Variants in NSMCE2 observed in about 807,000 individuals in gnomAD.
The protein encoded by NSMCE2 is NSE2 SUMO ligase component of SMC5/6 complex.
In NSMCE2, 24 loss-of-function variants were observed where a neutral mutation model predicts 23.8. The observed-to-expected ratio is 1.01, with a 90% CI of 0.73 to 1.42. NSMCE2 has a LOEUF of 1.42. Ranked by LOEUF, NSMCE2 falls within the 40% of genes most tolerant of loss-of-function variation. NSMCE2 has a pLI of 0.00. For missense variants in NSMCE2, 284 were observed against 296.5 expected (o/e 0.96, Z 0.31); for synonymous variants, 92 against 94.1 (o/e 0.98, Z 0.13).
chr8:125,110,115 T>A (rs560536536), intron 3 of NSMCE2, among the ~76,000 whole-genome samples: 1 of 151,240 alleles, frequency 6.6e-6, no homozygotes, highest in African/African-American at 2.4e-5. Flanking sequence ...TTAATGTACC[T>A]CAAAGATGTA....
At chr8:125,132,729 A>C (rs1819836973) in intron 3 of NSMCE2, among the ~76,000 whole-genome samples, 1 of 152,120 alleles carries the variant, frequency 6.6e-6, no homozygotes, top group Non-Finnish European at 1.5e-5. Context: ...TGCTGACCTC[A>C]AGTGATCCAC....
chr8:125,297,924 G>A (rs1420421479), intron 5 of NSMCE2, among the ~76,000 whole-genome samples: 1 of 152,118 alleles, frequency 6.6e-6, no homozygotes, highest in Non-Finnish European at 1.5e-5. Context: ...ATATTAATGT[G>A]GACAAATAAA....
chr8:125,287,225 G>A (rs1198904145), intron 5 of NSMCE2, among the ~76,000 whole-genome samples: 4 of 152,254 alleles, frequency 2.6e-5, no homozygotes, highest in Non-Finnish European at 5.9e-5. Context: ...CCAGCTACTC[G>A]GGAGGCTGAG....
At chr8:125,160,895 A>T (rs1007068246) in intron 4 of NSMCE2, among the ~76,000 whole-genome samples, 5 of 152,206 alleles carry the variant, frequency 3.3e-5, no homozygotes, top group Non-Finnish European at 7.3e-5. Flanking sequence ...TATTAGTAAC[A>T]CTTATTTGAA....
chr8:125,154,748 G>A (rs1437542512), intron 4 of NSMCE2, among the ~76,000 whole-genome samples: 1 of 152,042 alleles, frequency 6.6e-6, no homozygotes, highest in African/African-American at 2.4e-5. Flanking sequence ...TGTTTTTAGA[G>A]CTATAAGACA....
intron 3 of NSMCE2, among the ~76,000 whole-genome samples, chr8:125,122,987 T>C (rs958479169): frequency 1.3e-5 from 2 of 152,192 alleles, no homozygotes; most frequent in African/African-American, 4.8e-5. Flanking sequence ...TACTCATCCG[T>C]GGTCTAGAGA....
intron 1 of NSMCE2, among the ~76,000 whole-genome samples, chr8:125,098,327 G>C (rs72720531): frequency 0.069 from 10,463 of 152,220 alleles, 491 homozygotes; most frequent in Non-Finnish European, 0.096. Context: ...AAGTTCATAG[G>C]TGATGCTGGT....
In NSMCE2 at chr8:125,311,372, T is replaced by G. The variant is rs1828967269; in HGVS notation, c.419-45847T>G. Among the ~76,000 whole-genome samples the G allele has an allele frequency of 2.0e-5, 3 of 152,360 alleles. No individual in the cohort carries two copies. The South Asian group carries it at 6.2e-4, about 32-fold the overall frequency. On this transcript the variant is annotated intron_variant, in intron 5 of 7. Coordinates refer to ENST00000287437, the MANE Select transcript of NSMCE2 (RefSeq NM_173685.4). ...AAATGCGTAAATTGTATAGTTTCCT[T>G]TTCCCATAAAATCTCCAAAGAAGGA...
At chr8:125,166,942 T>G (rs1821914808) in intron 4 of NSMCE2, among the ~76,000 whole-genome samples, 3 of 152,156 alleles carry the variant, frequency 2.0e-5, no homozygotes, top group Non-Finnish European at 4.4e-5. Context: ...GGCAGGAGTA[T>G]AAGGATGCAG....
chr8:125,294,920 G>A (rs888261587), intron 5 of NSMCE2, among the ~76,000 whole-genome samples: 7 of 152,170 alleles, frequency 4.6e-5, no homozygotes, highest in African/African-American at 1.7e-4. Context: ...GGAGATGTGT[G>A]TCTCTTCTGG....
chr8:125,092,031 G>T (rs182011648), intron 1 of NSMCE2, 73 bp downstream of exon 1: 1 of 152,346 alleles, frequency 6.6e-6, no homozygotes, highest in East Asian at 1.9e-4. Flanking sequence ...ACTCCACGGG[G>T]ACTCCGAGCC....
chr8:125,349,639 G>A (rs79092686), intron 5 of NSMCE2, among the ~76,000 whole-genome samples: 3,066 of 151,418 alleles, frequency 0.02, 34 homozygotes, highest in Middle Eastern at 0.031. Flanking sequence ...AATTGAAAAA[G>A]TACATAGCAA....
chr8:125,290,949 C>T (rs1828083642), intron 5 of NSMCE2, among the ~76,000 whole-genome samples: 1 of 152,128 alleles, frequency 6.6e-6, no homozygotes, highest in African/African-American at 2.4e-5. Context: ...TTCTCTAGTA[C>T]CTAGCAGTGC....
rs575882477 is a variant in NSMCE2, at chr8:125,151,812, G to A, written c.264+535G>A. On this transcript the variant is annotated intron_variant, in intron 4 of 7. Transcript: ENST00000287437. ...AGGAACAACACATAAGGCAGTTAAG[G>A]TGGGAACATAGCAACATCCTTTTCA... Among the ~76,000 whole-genome samples, 8 of 152,302 alleles carry A rather than the reference G, an allele frequency of 5.3e-5. No individual in the cohort carries two copies. In the South Asian group the frequency reaches 1.2e-3, roughly 24 times the overall value.
intron 4 of NSMCE2, among the ~76,000 whole-genome samples, chr8:125,173,465 T>C (rs185740876): frequency 1.8e-4 from 28 of 152,304 alleles, no homozygotes; most frequent in African/African-American, 6.3e-4. Flanking sequence ...CTAATTTTAT[T>C]TGGAACTGAA....
intron 5 of NSMCE2, among the ~76,000 whole-genome samples, chr8:125,299,714 T>C (rs1235378879): frequency 6.6e-6 from 1 of 151,662 alleles, no homozygotes; most frequent in Non-Finnish European, 1.5e-5. Flanking sequence ...TTCATTTCAC[T>C]GAGAATAACC....
chr8:125,115,730 A>G (rs1586452514), intron 3 of NSMCE2, among the ~76,000 whole-genome samples: 1 of 151,160 alleles, frequency 6.6e-6, no homozygotes, highest in Non-Finnish European at 1.5e-5. Flanking sequence ...CCGTCTCAAT[A>G]AAAAAAAATA....
rs1487546244 is a variant in NSMCE2, at chr8:125,366,907, G to T, written c.*22G>T. On this transcript the variant is annotated 3_prime_UTR_variant, in exon 8 of 8. Coordinates refer to ENST00000287437, the MANE Select transcript of NSMCE2 (RefSeq NM_173685.4). Reference sequence around the variant, plus strand: ...GTAGGAAAAGCCACCTGCCTGCAGGGACACCAGCAGCCTACCTCCTACCCC... The same window carrying T: ...GTAGGAAAAGCCACCTGCCTGCAGGTACACCAGCAGCCTACCTCCTACCCC... 2.2e-6 allele frequency: 3 copies of T among 1,351,510 alleles called. No homozygotes were observed. The highest frequency in any genetic ancestry group is 3.4e-5 in the Admixed American group (2 of 59,590). 83.7% of individuals were successfully genotyped at this position (1,351,510 alleles called of 1,614,324 possible). A position where few individuals can be genotyped will look rare whatever the true frequency, so the allele number is the denominator to read the frequency against.
In NSMCE2 at chr8:125,174,409, G is replaced by C. The variant is rs544626073; in HGVS notation, c.265-7694G>C. ...AAGCCAGAGATGTAAAATCAGTTTC[G>C]TTTCTTTTCCACCAGTACGGGAATT... is the stretch of plus-strand genomic sequence containing the variant. On this transcript the variant is annotated intron_variant, in intron 4 of 7. Transcript: ENST00000287437. 3.9e-5 allele frequency among the ~76,000 whole-genome samples: 6 copies of C among 152,242 alleles called. No homozygotes were observed. The South Asian group carries it at 1.2e-3, about 32-fold the overall frequency.
Sources: allele counts gnomAD v4.1 joint callset (sites outside exome capture counted in the v4.1 genomes callset), GRCh38; gene constraint gnomAD v4.1.1; transcripts MANE v1.5; gene names NCBI Gene and HGNC (gene_info 2026-07-23, HGNC 2026-07-21).